RALGAPA2: variants seen among roughly 807,000 people sequenced by gnomAD.
RALGAPA2 encodes the protein ral GTPase-activating protein subunit alpha-2.
Under a neutral mutation model 230.4 loss-of-function variants are expected in RALGAPA2, and 139 were observed. That is an observed-to-expected ratio of 0.60 (90% confidence interval 0.53 to 0.69). The LOEUF (loss-of-function observed/expected upper bound fraction) is 0.69, where lower values mean the gene tolerates loss of function less well. RALGAPA2 is among the 30% of genes least tolerant of loss of function. RALGAPA2 has a pLI of 0.00. For synonymous variants in RALGAPA2, 847 were observed against 837.8 expected (o/e 1.01, Z -0.19); for missense variants, 2,163 against 2,276.0 (o/e 0.95, Z 1.01).
chr20:20,628,512 G>T (rs2066563677), intron 10 of RALGAPA2, among the ~76,000 whole-genome samples: 2 of 152,208 alleles, frequency 1.3e-5, no homozygotes, highest in African/African-American at 4.8e-5. Context: ...AGCTCTGTTT[G>T]CTGTGTTGAA....
chr20:20,684,042 A>T (rs1006325544), intron 1 of RALGAPA2, among the ~76,000 whole-genome samples: 6 of 152,200 alleles, frequency 3.9e-5, no homozygotes, highest in Non-Finnish European at 8.8e-5. Context: ...AGTCTAACAG[A>T]CACTCTCTGA....
intron 37 of RALGAPA2, among the ~76,000 whole-genome samples, chr20:20,458,136 A>G (rs890070708): frequency 5.9e-5 from 9 of 152,122 alleles, no homozygotes; most frequent in African/African-American, 1.9e-4. Flanking sequence ...CCCACAAAAG[A>G]AAAGGAGAGC....
intron 37 of RALGAPA2, among the ~76,000 whole-genome samples, chr20:20,436,305 T>A (rs2060611382): frequency 6.6e-6 from 1 of 152,112 alleles, no homozygotes; most frequent in Non-Finnish European, 1.5e-5. Context: ...TCCAAGTAAA[T>A]CAGATCAAGT....
At chr20:20,653,140 G>A (rs2067463962) in intron 4 of RALGAPA2, among the ~76,000 whole-genome samples, 2 of 129,314 alleles carry the variant, frequency 1.5e-5, no homozygotes, top group Admixed American at 1.8e-4. Flanking sequence ...AGGTTGCAAT[G>A]AGCCGAGATC....
At chr20:20,578,528 C>A (rs1230180682) in intron 20 of RALGAPA2, among the ~76,000 whole-genome samples, 2 of 151,982 alleles carry the variant, frequency 1.3e-5, no homozygotes, top group Admixed American at 6.6e-5. Flanking sequence ...ACAAAGAGAT[C>A]TAAAAGTTTA....
intron 24 of RALGAPA2, among the ~76,000 whole-genome samples, chr20:20,545,614 T>C (rs1161557035): frequency 2.0e-5 from 3 of 152,226 alleles, no homozygotes; most frequent in African/African-American, 7.2e-5. Context: ...ATGGCAACAC[T>C]GATTTCGACA....
In RALGAPA2 at chr20:20,649,066, T is replaced by A. The variant is rs1031673320; in HGVS notation, c.328+4464A>T. On this transcript the variant is annotated intron_variant, in intron 4 of 39. Coordinates refer to ENST00000202677, the MANE Select transcript of RALGAPA2 (RefSeq NM_020343.4). ...CAGAGCAGTAACGGTAAAAGCACCC[T>A]GAGAGGGCATGGAAAAACACCAGGT... Among the ~76,000 whole-genome samples the A allele has an allele frequency of 2.6e-5, 4 of 152,142 alleles. No homozygotes were observed. The South Asian group carries it at 8.3e-4, about 32-fold the overall frequency.
chr20:20,503,293 G>GGA, intron 35 of RALGAPA2, 58 bp downstream of exon 35: 4 of 1,397,648 alleles, frequency 2.9e-6, no homozygotes, highest in Admixed American at 2.3e-5. Context: ...GTCTGTCCTA[G>GGA]GAGAGCCTCA....
intron 3 of RALGAPA2, among the ~76,000 whole-genome samples, chr20:20,655,334 T>TA (rs879583983): frequency 3.0e-4 from 42 of 141,820 alleles, no homozygotes; most frequent in African/African-American, 5.2e-4. Flanking sequence ...ATTTTTTAAA[T>TA]AAAAAAAAAA....
At chr20:20,551,151 A>G (rs1602750636) in intron 23 of RALGAPA2, among the ~76,000 whole-genome samples, 1 of 152,238 alleles carries the variant, frequency 6.6e-6, no homozygotes, top group Non-Finnish European at 1.5e-5. Flanking sequence ...TCTAGGATTC[A>G]TTTTTCTAAG....
intron 37 of RALGAPA2, among the ~76,000 whole-genome samples, chr20:20,457,763 A>G (rs923919457): frequency 1.3e-5 from 2 of 152,224 alleles, no homozygotes; most frequent in Admixed American, 1.3e-4. Context: ...AGTGAATTAC[A>G]TAGTAACTGA....
At chr20:20,632,173 C>G (rs1223713631) in intron 9 of RALGAPA2, among the ~76,000 whole-genome samples, 9 of 152,074 alleles carry the variant, frequency 5.9e-5, no homozygotes, top group African/African-American at 2.2e-4. Context: ...TACAGGCGCC[C>G]GCCACCATGC....
intron 2 of RALGAPA2, among the ~76,000 whole-genome samples, chr20:20,678,779 C>T (rs1228894378): frequency 4.6e-5 from 7 of 152,140 alleles, no homozygotes; most frequent in South Asian, 4.1e-4. Context: ...AACAGCTCAC[C>T]GCCCTGTGAC....
Position 20,646,638 on chromosome 20 carries a change from G to A in RALGAPA2, c.329-3089C>T, listed in dbSNP as rs1406850240. ...TTTGAATGTAAGTCTTACTACTTTT[G>A]AAGAGGCAGTAAAAACGTCAGGGCT... On this transcript the variant is annotated intron_variant, in intron 4 of 39. Transcript: ENST00000202677. 5.9e-5 allele frequency among the ~76,000 whole-genome samples: 9 copies of A among 152,110 alleles called. No homozygotes were observed. In the East Asian group the frequency reaches 1.7e-3, roughly 29 times the overall value.
At chr20:20,672,942 T>C (rs887281079) in intron 3 of RALGAPA2, among the ~76,000 whole-genome samples, 2 of 152,116 alleles carry the variant, frequency 1.3e-5, no homozygotes, top group African/African-American at 4.8e-5. Context: ...CCCAATACTT[T>C]GGGAGGCTGA....
chr20:20,712,361 G>A lies in RALGAPA2; in HGVS notation c.106+14C>T. 1.4e-6 allele frequency: 2 copies of A among 1,462,166 alleles called. No individual in the cohort carries two copies. The highest frequency in any genetic ancestry group is 2.4e-5 in the South Asian group (2 of 82,762). 90.6% of individuals were successfully genotyped at this position (1,462,166 alleles called of 1,614,324 possible). ...ACCCGGCGCCCCGACCCCCGCGCCCGGCGCGCGCCTCACCCAGCAGCGCCC... is the reference window on the plus strand; with the variant it reads ...ACCCGGCGCCCCGACCCCCGCGCCCAGCGCGCGCCTCACCCAGCAGCGCCC... On this transcript the variant is annotated intron_variant, in intron 1 of 39. Transcript: ENST00000202677. This position sits in a 1 kb window ranked among gnomAD's most constrained non-coding sequence, Gnocchi z 5.5.
intron 35 of RALGAPA2, among the ~76,000 whole-genome samples, chr20:20,499,144 T>C (rs1174473370): frequency 2.0e-5 from 3 of 152,180 alleles, no homozygotes; most frequent in African/African-American, 7.2e-5. Context: ...CTGTGACTGA[T>C]TTTTAGTCTA....
Position 20,391,730 on chromosome 20 carries a change from G to A in RALGAPA2, c.*1559C>T, listed in dbSNP as rs2059606056. 6.6e-6 allele frequency: 1 copy of A among 152,336 alleles called. No homozygotes were observed. The highest frequency in any genetic ancestry group is 1.5e-5 in the Non-Finnish European group (1 of 68,132). The allele number at this position is 152,336 out of a possible 1,614,324, so 9.4% of individuals were successfully genotyped here. On this transcript the variant is annotated 3_prime_UTR_variant, in exon 40 of 40. Coordinates refer to ENST00000202677, the MANE Select transcript of RALGAPA2 (RefSeq NM_020343.4). ...AGCCTCAGAAGGCTTCTTCAGGCCT[G>A]GGTGGCCAAGCAGCCTGAAGGTAAC...
intron 9 of RALGAPA2, among the ~76,000 whole-genome samples, chr20:20,631,049 C>A (rs1324826373): frequency 1.3e-5 from 2 of 152,148 alleles, no homozygotes; most frequent in African/African-American, 4.8e-5. Flanking sequence ...ACTGCTTTAG[C>A]CAGTAGAATA....
Sources: gnomAD v4.1 joint callset for allele counts (sites outside exome capture counted in the v4.1 genomes callset) on GRCh38, gnomAD v4.1.1 for gene constraint, Gnocchi (gnomAD v3.1) non-coding constraint, MANE v1.5 for transcripts, NCBI Gene and HGNC (gene_info 2026-07-23, HGNC 2026-07-21) for gene names.